DENND1A: variants seen among roughly 807,000 people sequenced by gnomAD.
DENND1A encodes DENN domain-containing protein 1A.
In DENND1A, 51 loss-of-function variants were observed where a neutral mutation model predicts 113.7. The observed-to-expected ratio is 0.45, with a 90% CI of 0.36 to 0.57. The LOEUF (loss-of-function observed/expected upper bound fraction) is 0.57. DENND1A is among the 20% of genes least tolerant of loss of function. DENND1A has a pLI of 0.00. For missense variants in DENND1A, 1,258 were observed against 1,395.9 expected (o/e 0.90, Z 1.57); for synonymous variants, 565 against 570.8 (o/e 0.99, Z 0.14).
chr9:123,833,848 C>G (rs1840658635), intron 2 of DENND1A, among the ~76,000 whole-genome samples: 1 of 152,136 alleles, frequency 6.6e-6, no homozygotes, highest in Non-Finnish European at 1.5e-5. Context: ...ATCACAAGGT[C>G]AAGAGATCGA....
intron 5 of DENND1A, among the ~76,000 whole-genome samples, chr9:123,737,639 A>G (rs1342023755): frequency 6.6e-6 from 1 of 152,144 alleles, no homozygotes; most frequent in African/African-American, 2.4e-5. Flanking sequence ...ATGTGGCAAA[A>G]GTACTCCCCG....
At chr9:123,781,055 C>T (rs1313758416) in intron 3 of DENND1A, among the ~76,000 whole-genome samples, 1 of 152,206 alleles carries the variant, frequency 6.6e-6, no homozygotes, top group Non-Finnish European at 1.5e-5. Context: ...CATTCTGTCT[C>T]CAGGGTCACA....
intron 2 of DENND1A, among the ~76,000 whole-genome samples, chr9:123,830,449 T>C (rs1424702084): frequency 6.6e-6 from 1 of 152,128 alleles, no homozygotes; most frequent in Non-Finnish European, 1.5e-5. Flanking sequence ...ATTCAAACTG[T>C]ATGCTTAAGA....
At chr9:123,747,175 T>C (rs942604213) in intron 5 of DENND1A, among the ~76,000 whole-genome samples, 3 of 152,152 alleles carry the variant, frequency 2.0e-5, no homozygotes, top group African/African-American at 4.8e-5. Context: ...GACACTGAAT[T>C]TCACCCAACT....
intron 1 of DENND1A, among the ~76,000 whole-genome samples, chr9:123,887,059 C>A (rs116281773): frequency 1.8e-3 from 276 of 152,222 alleles, no homozygotes; most frequent in African/African-American, 6.4e-3. Flanking sequence ...CAGCAATGTG[C>A]AGTACAACAC....
At chr9:123,495,150 TC>T (rs1335945313) in intron 13 of DENND1A, among the ~76,000 whole-genome samples, 1 of 32,284 alleles carries the variant, frequency 3.1e-5, no homozygotes, top group East Asian at 2.4e-3. Context: ...TTTCTCTCTC[TC>T]TCTCTCTCTC....
At chr9:123,409,586 AT>A (rs1261649681) in intron 20 of DENND1A, among the ~76,000 whole-genome samples, 1 of 151,584 alleles carries the variant, frequency 6.6e-6, no homozygotes, top group Non-Finnish European at 1.5e-5. Context: ...AGATGACCTT[AT>A]TTGCAGTTGA....
At chr9:123,484,616 C>T (rs1003657189) in intron 13 of DENND1A, among the ~76,000 whole-genome samples, 8 of 152,170 alleles carry the variant, frequency 5.3e-5, no homozygotes, top group Non-Finnish European at 1.0e-4. Flanking sequence ...CCCCTTGCTC[C>T]GCACCCCATA....
At chr9:123,523,922 C>T (rs2054596171) in intron 13 of DENND1A, among the ~76,000 whole-genome samples, 7 of 152,136 alleles carry the variant, frequency 4.6e-5, no homozygotes, top group Admixed American at 3.9e-4. Context: ...ACCTGAAACT[C>T]CCTCAACAAC....
chr9:123,426,551 A>C (rs1444596195), intron 19 of DENND1A, among the ~76,000 whole-genome samples: 1 of 152,118 alleles, frequency 6.6e-6, no homozygotes, highest in African/African-American at 2.4e-5. Flanking sequence ...GGCAGAATGG[A>C]GCCAGGGAGG....
intron 21 of DENND1A, among the ~76,000 whole-genome samples, chr9:123,398,101 C>T (rs2043227125): frequency 6.6e-6 from 1 of 152,222 alleles, no homozygotes; most frequent in Admixed American, 6.5e-5. Context: ...AGAAGACAGC[C>T]CTACATCTGG....
rs143282621 is a variant in DENND1A at position 123,803,886 on chromosome 9, C to T, written c.89-11256G>A. ...CATGACAACCAAGCTTTCACCTCAC[C>T]GCTTCTCTGAAACTACTCACATACC... On this transcript the variant is annotated intron_variant, in intron 2 of 23. Coordinates refer to ENST00000394215, the MANE Select transcript of DENND1A (RefSeq NM_001352964.2). Among the ~76,000 whole-genome samples, 710 of 152,292 alleles carry T rather than the reference C, an allele frequency of 4.7e-3. 4 individuals carry two copies. The highest frequency in any genetic ancestry group is 8.5e-3 in the Non-Finnish European group (579 of 68,010).
At chr9:123,535,597 C>A (rs1396434718) in intron 13 of DENND1A, among the ~76,000 whole-genome samples, 2 of 152,188 alleles carry the variant, frequency 1.3e-5, no homozygotes. Context: ...CTGAAACAGG[C>A]CAAACTTGTG....
chr9:123,700,068 T>C (rs1322853716), intron 5 of DENND1A, among the ~76,000 whole-genome samples: 1 of 152,196 alleles, frequency 6.6e-6, no homozygotes, highest in Non-Finnish European at 1.5e-5. Flanking sequence ...TATCTAGATA[T>C]CAGTTGATTC....
At chr9:123,550,335 G>A (rs1402906516) in intron 13 of DENND1A, among the ~76,000 whole-genome samples, 1 of 152,236 alleles carries the variant, frequency 6.6e-6, no homozygotes, top group Non-Finnish European at 1.5e-5. Context: ...TTATCTTAGG[G>A]AAGCCCAGCT....
At chr9:123,410,813 G>C (rs1370347505) in intron 20 of DENND1A, among the ~76,000 whole-genome samples, 1 of 152,182 alleles carries the variant, frequency 6.6e-6, no homozygotes, top group Non-Finnish European at 1.5e-5. Flanking sequence ...CCACAGAGTG[G>C]TGGCCACACT....
chr9:123,655,126 C>T (rs974015770), intron 8 of DENND1A, among the ~76,000 whole-genome samples: 1 of 152,172 alleles, frequency 6.6e-6, no homozygotes, highest in African/African-American at 2.4e-5. Flanking sequence ...TTTTCAAGGC[C>T]CAGCTCCAAT....
chr9:123,580,063 A>G (rs2058816580), intron 12 of DENND1A, among the ~76,000 whole-genome samples: 1 of 152,208 alleles, frequency 6.6e-6, no homozygotes, highest in Non-Finnish European at 1.5e-5. Flanking sequence ...AATTTTATTA[A>G]AAACAAATGC....
At position 123,755,283 on chromosome 9, in the gene DENND1A, G is replaced by A. The variant is rs12341929; in HGVS notation, c.302+2420C>T. 6.6e-3 allele frequency among the ~76,000 whole-genome samples: 999 copies of A among 151,662 alleles called. 14 individuals are homozygous for A. Among genetic ancestry groups the A allele is most frequent in the Admixed American group, 0.027 (407 of 15,230 alleles). On this transcript the variant is annotated intron_variant, in intron 5 of 23. Coordinates refer to ENST00000394215, the MANE Select transcript of DENND1A (RefSeq NM_001352964.2). ...GATTACAGGCACCTGCCACCACTCC[G>A]GCTAATTTTTGTATTTTCTTTCTTT...
Sources: allele counts gnomAD v4.1 joint callset (sites outside exome capture counted in the v4.1 genomes callset), GRCh38; gene constraint gnomAD v4.1.1; transcripts MANE v1.5; gene names NCBI Gene and HGNC (gene_info 2026-07-23, HGNC 2026-07-21).